The following APP variants were observed in gnomAD, a reference collection of about 807,000 sequenced individuals.
APP encodes the protein amyloid beta precursor protein.
APP carries 31 observed loss-of-function variants against 101.4 expected under a neutral mutation model. That is an observed-to-expected ratio of 0.31 (90% CI 0.23 to 0.41). The LOEUF is 0.41. Ranked by LOEUF, APP falls within the 10% of genes least tolerant of loss-of-function variation. APP has a pLI of 1.00. For synonymous variants in APP, 366 were observed against 364.4 expected (o/e 1.00, Z -0.05); for missense variants, 839 against 1,003.7 (o/e 0.84, Z 2.22).
intron 11 of APP, among the ~76,000 whole-genome samples, chr21:25,970,992 G>C (rs1438700384): frequency 6.6e-6 from 1 of 151,922 alleles, no homozygotes; most frequent in African/African-American, 2.4e-5. Context: ...AGAAGAACTG[G>C]ATTTACCCTC....
intron 17 of APP, among the ~76,000 whole-genome samples, chr21:25,889,452 G>A (rs981470912): frequency 6.6e-6 from 1 of 152,188 alleles, no homozygotes; most frequent in African/African-American, 2.4e-5. Flanking sequence ...TGTTATGGAA[G>A]CCCGAGGAAG....
In APP at chr21:25,935,949, C is replaced by T. The variant is rs150394042; in HGVS notation, c.1687+18641G>A. On this transcript the variant is annotated intron_variant, in intron 13 of 17. Transcript: ENST00000346798. ...GTTCATCAAGGCCGAGTTTAGGCTG[C>T]CAGACCACAACCTCGTTTTAATGCC... Among the ~76,000 whole-genome samples, 448 of 151,862 alleles carry T rather than the reference C, an allele frequency of 3.0e-3. 3 individuals carry two copies. Among genetic ancestry groups the T allele is most frequent in the Non-Finnish European group, 4.5e-3 (309 of 67,962 alleles).
intron 3 of APP, among the ~76,000 whole-genome samples, chr21:26,070,652 T>C (rs1316609431): frequency 6.6e-6 from 1 of 152,098 alleles, no homozygotes; most frequent in African/African-American, 2.4e-5. Context: ...AAAGAGATAC[T>C]CAAATCTATC....
At position 26,131,350 on chromosome 21, in the gene APP, G is replaced by A. The variant is rs536739741; in HGVS notation, c.58-19204C>T. 3.7e-4 allele frequency among the ~76,000 whole-genome samples: 57 copies of A among 152,214 alleles called. 1 individual carries two copies. The highest frequency in any genetic ancestry group is 1.2e-3 in the African/African-American group (49 of 41,542). On this transcript the variant is annotated intron_variant, in intron 1 of 17. Coordinates refer to ENST00000346798, the MANE Select transcript of APP (RefSeq NM_000484.4). ...CTTCATTATTTACCAAAGGAGCACC[G>A]AGGTTTTCCAGCGAAATGCAACCAT...
intron 3 of APP, among the ~76,000 whole-genome samples, chr21:26,087,408 C>G (rs1002910143): frequency 6.6e-5 from 10 of 152,226 alleles, no homozygotes; most frequent in African/African-American, 2.4e-4. Context: ...CCATAGTAGT[C>G]AAGAACAGTT....
At chr21:25,895,220 C>T (rs2037959715) in intron 16 of APP, among the ~76,000 whole-genome samples, 1 of 149,790 alleles carries the variant, frequency 6.7e-6, no homozygotes, top group Admixed American at 6.7e-5. Flanking sequence ...GTTGCCCAGG[C>T]TGGAGTGCGA....
At chr21:25,914,489 T>C (rs981691980) in intron 13 of APP, among the ~76,000 whole-genome samples, 1 of 151,500 alleles carries the variant, frequency 6.6e-6, no homozygotes, top group Non-Finnish European at 1.5e-5. Context: ...GGCCCCTTTA[T>C]GTGCATCTGC....
chr21:25,992,493 C>T (rs1021345176), intron 8 of APP, among the ~76,000 whole-genome samples: 2 of 152,046 alleles, frequency 1.3e-5, no homozygotes, highest in South Asian at 2.1e-4. Context: ...ATCAATATTC[C>T]GAAATCCAAA....
intron 1 of APP, among the ~76,000 whole-genome samples, chr21:26,131,286 T>C (rs977739216): frequency 1.3e-5 from 2 of 152,096 alleles, no homozygotes; most frequent in East Asian, 1.9e-4. Flanking sequence ...AAAAGGTCTG[T>C]TGTCAATGAA....
intron 5 of APP, among the ~76,000 whole-genome samples, chr21:26,031,231 G>C (rs1420081770): frequency 6.6e-6 from 1 of 152,152 alleles, no homozygotes; most frequent in Non-Finnish European, 1.5e-5. Flanking sequence ...AGCTATAGGT[G>C]GTCTGTGTCC....
At chr21:26,111,552 A>G (rs1483283352) in intron 2 of APP, among the ~76,000 whole-genome samples, 2 of 151,976 alleles carry the variant, frequency 1.3e-5, no homozygotes, top group African/African-American at 4.8e-5. Context: ...CCTGGCCAAC[A>G]CAAGGAGACC....
chr21:26,067,467 G>A (rs1190728219), intron 3 of APP, among the ~76,000 whole-genome samples: 1 of 152,138 alleles, frequency 6.6e-6, no homozygotes, highest in East Asian at 1.9e-4. Flanking sequence ...TTGGGGTTAT[G>A]GGAGAAAATC....
At chr21:25,932,668 T>C (rs1025236391) in intron 13 of APP, among the ~76,000 whole-genome samples, 1 of 152,228 alleles carries the variant, frequency 6.6e-6, no homozygotes, top group African/African-American at 2.4e-5. Context: ...TTAAAAATGT[T>C]ATTTTCATCT....
At chr21:26,069,371 C>T (rs1281287240) in intron 3 of APP, among the ~76,000 whole-genome samples, 2 of 152,132 alleles carry the variant, frequency 1.3e-5, no homozygotes, top group Admixed American at 6.5e-5. Flanking sequence ...ACTCATCCTT[C>T]CCATAGTTCC....
intron 2 of APP, among the ~76,000 whole-genome samples, chr21:26,104,720 A>G (rs934447847): frequency 2.6e-5 from 4 of 152,232 alleles, no homozygotes; most frequent in African/African-American, 9.6e-5. Context: ...AGAGTAGATA[A>G]TTCACAGTCA....
At chr21:26,040,878 G>A (rs2045344767) in intron 5 of APP, among the ~76,000 whole-genome samples, 1 of 152,164 alleles carries the variant, frequency 6.6e-6, no homozygotes, top group Admixed American at 6.5e-5. Flanking sequence ...AGGTGATCAT[G>A]GCTTTGGCTA....
Position 25,982,403 on chromosome 21 carries a change from C to T in APP, c.1165G>A (p.Ala389Thr). 6.2e-7 allele frequency: 1 copy of T among 1,613,428 alleles called. No individual in the cohort carries two copies. Among genetic ancestry groups the T allele is most frequent in the Non-Finnish European group, 8.5e-7 (1 of 1,179,582 alleles). Residue 389 changes from alanine to threonine, a missense_variant, in exon 9 of 18, where the codon GCC becomes ACC. Physicochemically the swap from Ala to Thr is moderately conservative, Grantham distance 58. Transcript: ENST00000346798. ...CTCTCTTTGGCTTTCTGGAAATGGG[C>T]ATGTTCATTCTCATCCCCAGGTGTC... ...LETPGDENEH[A>T]HFQKAKERLE...
chr21:25,883,707 A>G (rs569141978), intron 17 of APP, among the ~76,000 whole-genome samples: 11 of 152,158 alleles, frequency 7.2e-5, no homozygotes, highest in Non-Finnish European at 1.5e-4. Flanking sequence ...AAAGTAAATA[A>G]ATAAAAATAA....
chr21:26,036,153 A>C (rs533269559), intron 5 of APP, among the ~76,000 whole-genome samples: 1 of 151,976 alleles, frequency 6.6e-6, no homozygotes, highest in Non-Finnish European at 1.5e-5. Flanking sequence ...GCGAGCCAGA[A>C]AGAAAAATAG....
Sources: gnomAD v4.1 joint callset for allele counts (sites outside exome capture counted in the v4.1 genomes callset) on GRCh38, gnomAD v4.1.1 for gene constraint, MANE v1.5 for transcripts, NCBI Gene and HGNC (gene_info 2026-07-23, HGNC 2026-07-21) for gene names.